ZNF736: variants seen among roughly 807,000 people sequenced by gnomAD.
ZNF736 encodes KRAB-containing zinc-finger repressor protein.
A neutral mutation model predicts 11.7 loss-of-function variants in ZNF736; 6 were observed. That is an observed-to-expected ratio of 0.51 (90% CI 0.28 to 1.01). The LOEUF (loss-of-function observed/expected upper bound fraction) is 1.01, where lower values mean the gene tolerates loss of function less well. Among genes scored for constraint, ZNF736 ranks in the 50% least tolerant of loss-of-function variants. ZNF736 has a pLI of 0.09. For missense variants in ZNF736, 444 were observed against 496.0 expected, an observed-to-expected ratio of 0.90 and a Z score of 1.00; for synonymous variants, 139 against 164.7, an observed-to-expected ratio of 0.84 and a Z score of 1.19.
chr7:64,356,060 G>A lies in ZNF736; in HGVS notation c.*6913G>A, dbSNP rs1789549821. ...TGGTATTCTTTTGGACTATGAATTGGGTGATTTTTTAAAGTAATATAAATA... is the reference window on the plus strand; with the variant it reads ...TGGTATTCTTTTGGACTATGAATTGAGTGATTTTTTAAAGTAATATAAATA... On this transcript the variant is annotated 3_prime_UTR_variant, in exon 4 of 4. Transcript: ENST00000423484. 6.0e-6 allele frequency: 1 copy of A among 166,330 alleles called. No individual in the cohort carries two copies. The allele number at this position is 166,330 out of a possible 1,614,324, so 10.3% of individuals were successfully genotyped here. A position where few individuals can be genotyped will look rare whatever the true frequency, so the allele number is the denominator to read the frequency against.
chr7:64,335,370 A>G (rs1789232746), intron 1 of ZNF736, among the ~76,000 whole-genome samples: 1 of 152,132 alleles, frequency 6.6e-6, no homozygotes, highest in South Asian at 2.1e-4. Flanking sequence ...CATTTTGCCT[A>G]AAACTGATGT....
At chr7:64,326,518 A>G (rs376248647) in intron 1 of ZNF736, among the ~76,000 whole-genome samples, 75 of 152,194 alleles carry the variant, frequency 4.9e-4, no homozygotes, top group African/African-American at 1.7e-3. Context: ...TCAAAAAACT[A>G]ACTTTTCATT....
chr7:64,324,448 G>C (rs190051712), intron 1 of ZNF736, among the ~76,000 whole-genome samples: 2 of 152,272 alleles, frequency 1.3e-5, no homozygotes, highest in East Asian at 3.9e-4. Flanking sequence ...TTCTCCCAGG[G>C]TCAACAGGAA....
intron 1 of ZNF736, among the ~76,000 whole-genome samples, chr7:64,323,966 ATACC>A (rs987246148): frequency 2.6e-5 from 4 of 151,996 alleles, no homozygotes; most frequent in Non-Finnish European, 5.9e-5. Context: ...TAGTAAACAC[ATACC>A]AACTATTTGA....
At position 64,335,297 on chromosome 7, in the gene ZNF736, TA is replaced by T. The variant is rs551244679; in HGVS notation, c.4-950del. ...CACATGTATCCCAGAACTTAAAGTT[TA>T]AAAAAAAAAAAGTTTAGCCAAAAAT... On this transcript the variant is annotated intron_variant, in intron 1 of 3. Coordinates refer to ENST00000423484, the MANE Select transcript of ZNF736 (RefSeq NM_001170905.3). Among the ~76,000 whole-genome samples the T allele has an allele frequency of 5.2e-4, 75 of 145,202 alleles. 1 individual carries two copies. Among genetic ancestry groups the T allele is most frequent in the South Asian group, 3.9e-3 (18 of 4,572 alleles).
intron 1 of ZNF736, among the ~76,000 whole-genome samples, chr7:64,320,153 T>G (rs1788984401): frequency 6.6e-6 from 1 of 152,192 alleles, no homozygotes; most frequent in South Asian, 2.1e-4. Flanking sequence ...ACTTTAAAAC[T>G]TCAGAGAAAT....
intron 3 of ZNF736, among the ~76,000 whole-genome samples, chr7:64,342,661 G>A (rs1754859016): frequency 6.6e-6 from 1 of 151,756 alleles, no homozygotes. Context: ...TTTCTGATTT[G>A]TGTGTAACAA....
chr7:64,332,621 T>G (rs1486977638), intron 1 of ZNF736, among the ~76,000 whole-genome samples: 2 of 151,416 alleles, frequency 1.3e-5, no homozygotes, highest in Non-Finnish European at 2.9e-5. Context: ...CCGGGCAGAG[T>G]TTTTCCCCAC....
At chr7:64,326,777 T>C (rs1789088657) in intron 1 of ZNF736, among the ~76,000 whole-genome samples, 1 of 152,256 alleles carries the variant, frequency 6.6e-6, no homozygotes, top group Admixed American at 6.5e-5. Flanking sequence ...ACATTTTAAA[T>C]TTTTTTCTTA....
intron 1 of ZNF736, among the ~76,000 whole-genome samples, chr7:64,330,833 GA>G (rs1789155176): frequency 6.6e-6 from 1 of 151,032 alleles, no homozygotes; most frequent in East Asian, 1.9e-4. Context: ...GGTATGTCTA[GA>G]ACTGTCACTC....
At chr7:64,331,728 G>A (rs1485098693) in intron 1 of ZNF736, among the ~76,000 whole-genome samples, 8 of 152,142 alleles carry the variant, frequency 5.3e-5, no homozygotes, top group South Asian at 2.1e-4. Flanking sequence ...ATACATTCAC[G>A]AGAGGTGAGT....
In ZNF736 at chr7:64,313,993, C is replaced by T. The variant is rs557150431; in HGVS notation, c.-158C>T. On this transcript the variant is annotated 5_prime_UTR_variant, in exon 1 of 4. Transcript: ENST00000423484. ...CTTCAATATGGCGGGGCCTTTGTCT[C>T]CTAGCTTCCGGGCTCTGATCCTAGT... The T allele has an allele frequency of 4.2e-4, 422 of 1,002,738 alleles. 6 individuals carry two copies. In the Middle Eastern group the frequency reaches 0.014, roughly 33 times the overall value. The allele number at this position is 1,002,738 out of a possible 1,614,324, so 62.1% of individuals were successfully genotyped here. A position where few individuals can be genotyped will look rare whatever the true frequency, so the allele number is the denominator to read the frequency against.
chr7:64,318,492 C>T (rs892685615), intron 1 of ZNF736, among the ~76,000 whole-genome samples: 5 of 151,962 alleles, frequency 3.3e-5, no homozygotes, highest in Non-Finnish European at 7.4e-5. Flanking sequence ...GACTAATATA[C>T]TCATCTAAAG....
At chr7:64,345,740 A>AAAAAC (rs1322176726) in intron 3 of ZNF736, among the ~76,000 whole-genome samples, 1 of 151,188 alleles carries the variant, frequency 6.6e-6, no homozygotes, top group Admixed American at 6.6e-5. Flanking sequence ...CTTAAAAAAA[A>AAAAAC]AAAAAAAAAA....
chr7:64,322,134 A>G (rs1264866522), intron 1 of ZNF736, among the ~76,000 whole-genome samples: 1 of 152,022 alleles, frequency 6.6e-6, no homozygotes, highest in Non-Finnish European at 1.5e-5. Flanking sequence ...AAATGTCCAC[A>G]TTGTTTTTTA....
chr7:64,332,283 G>T (rs1293196554), intron 1 of ZNF736, among the ~76,000 whole-genome samples: 1 of 152,162 alleles, frequency 6.6e-6, no homozygotes, highest in East Asian at 1.9e-4. Context: ...AAAGAGAAAG[G>T]GTACAAAAAG....
chr7:64,316,014 C>G (rs1788911928), intron 1 of ZNF736, among the ~76,000 whole-genome samples: 1 of 152,168 alleles, frequency 6.6e-6, no homozygotes, highest in Non-Finnish European at 1.5e-5. Context: ...TAGGCACGCG[C>G]GCCTTCCCAG....
intron 1 of ZNF736, among the ~76,000 whole-genome samples, chr7:64,325,877 C>A (rs1376530710): frequency 6.6e-6 from 1 of 151,996 alleles, no homozygotes; most frequent in Non-Finnish European, 1.5e-5. Context: ...TATTATGAAG[C>A]CAAGGAAATC....
Position 64,348,300 on chromosome 7 carries a change from A to T in ZNF736, c.437A>T (p.Gln146Leu), listed in dbSNP as rs764307281. 1 of 1,551,884 alleles carries T rather than the reference A, an allele frequency of 6.4e-7. No homozygotes were observed. Among genetic ancestry groups the T allele is most frequent in the South Asian group, 1.2e-5 (1 of 84,054 alleles). Residue 146 changes from glutamine (Q) to leucine (L), a missense_variant, in exon 4 of 4, where the codon CAA (glutamine) becomes CTA (leucine). By Grantham distance (113) the Gln-to-Leu change is moderately radical. Coordinates refer to ENST00000423484, the MANE Select transcript of ZNF736 (RefSeq NM_001170905.3). ...TCAGCTACCCATAGCAAAACCTGTC[A>T]ATGTAATAAATGTGGCAGAGGTTTT... is the stretch of plus-strand genomic sequence containing the variant. Reference protein sequence around the residue: ...CLSATHSKTCQCNKCGRGFQL... With the variant: ...CLSATHSKTCLCNKCGRGFQL...
Sources: gnomAD v4.1 joint callset for allele counts (sites outside exome capture counted in the v4.1 genomes callset) on GRCh38, gnomAD v4.1.1 for gene constraint, MANE v1.5 for transcripts, NCBI Gene and HGNC (gene_info 2026-07-23, HGNC 2026-07-21) for gene names.